The following CDYL variants were observed in gnomAD, a reference collection of about 807,000 sequenced individuals.
The protein encoded by CDYL is chromodomain Y like, also known as chromodomain Y-like protein.
A neutral mutation model predicts 47.3 loss-of-function variants in CDYL; 8 were observed. That is an observed-to-expected ratio of 0.17 (90% confidence interval 0.10 to 0.31). The LOEUF (loss-of-function observed/expected upper bound fraction) is 0.31, where lower values mean the gene tolerates loss of function less well. Among genes scored for constraint, CDYL ranks in the 10% least tolerant of loss-of-function variants. CDYL has a pLI of 1.00. For missense variants in CDYL, 471 were observed against 701.4 expected (o/e 0.67, Z 3.71); for synonymous variants, 266 against 265.0 (o/e 1.00, Z -0.04).
intron 1 of CDYL, among the ~76,000 whole-genome samples, chr6:4,834,065 C>T (rs1040947317): frequency 6.6e-5 from 10 of 150,756 alleles, no homozygotes; most frequent in Non-Finnish European, 1.5e-4. Context: ...AGCATTTAGT[C>T]CATTTACATT....
At chr6:4,733,026 C>T (rs1483334497) in intron 2 of CDYL, 1 of 152,314 alleles carries the variant, frequency 6.6e-6, no homozygotes, top group Non-Finnish European at 1.5e-5. Context: ...CAGTCAGCCT[C>T]CCACTGCCGT....
chr6:4,710,379 G>GGGAGGGAAGGAA (rs1554130869), intron 1 of CDYL, among the ~76,000 whole-genome samples: 11 of 101,254 alleles, frequency 1.1e-4, no homozygotes, highest in Non-Finnish European at 1.7e-4. Context: ...GAGGGAGGGA[G>GGGAGGGAAGGAA]GGAAGGAAGG....
chr6:4,914,587 C>T (rs551383534), intron 2 of CDYL, among the ~76,000 whole-genome samples: 8 of 152,308 alleles, frequency 5.3e-5, no homozygotes, highest in African/African-American at 1.7e-4. Context: ...CCTCAGCCAT[C>T]CTGCAAGTTC....
chr6:4,773,848 T>C (rs1263544217), upstream of CDYL, among the ~76,000 whole-genome samples: 2 of 152,220 alleles, frequency 1.3e-5, no homozygotes, highest in East Asian at 3.9e-4. This position sits in a 1 kb window ranked among gnomAD's most constrained non-coding sequence, Gnocchi z 4.6. Flanking sequence ...TTCCAGATTG[T>C]CAAGATTGAA....
chr6:4,789,368 C>T (rs1319097224), intron 1 of CDYL, among the ~76,000 whole-genome samples: 1 of 152,192 alleles, frequency 6.6e-6, no homozygotes, highest in Non-Finnish European at 1.5e-5. Flanking sequence ...CCTGCCGCGC[C>T]TGGCTGCTCC....
chr6:4,894,519 G>A (rs1178787645), intron 2 of CDYL, among the ~76,000 whole-genome samples: 2 of 152,184 alleles, frequency 1.3e-5, no homozygotes, highest in Non-Finnish European at 2.9e-5. Context: ...AGATTTCTGT[G>A]TTCACACATA....
At chr6:4,831,218 C>T (rs1209604183) in intron 1 of CDYL, among the ~76,000 whole-genome samples, 2 of 152,116 alleles carry the variant, frequency 1.3e-5, no homozygotes, top group African/African-American at 4.8e-5. Flanking sequence ...TTAGGTCTAA[C>T]ATTTAAGTCT....
At chr6:4,708,897 T>C (rs555367047) in intron 1 of CDYL, among the ~76,000 whole-genome samples, 11 of 152,038 alleles carry the variant, frequency 7.2e-5, no homozygotes, top group African/African-American at 2.7e-4. Flanking sequence ...TCTCAGCTGC[T>C]TGGGAGGCTG....
At chr6:4,912,374 G>A (rs560114432) in intron 2 of CDYL, among the ~76,000 whole-genome samples, 1 of 152,172 alleles carries the variant, frequency 6.6e-6, no homozygotes, top group African/African-American at 2.4e-5. Flanking sequence ...TCATCTGCAC[G>A]TGGCCTGGAG....
intron 2 of CDYL, chr6:4,724,346 G>C (rs946994107): frequency 1.3e-5 from 2 of 152,114 alleles, no homozygotes; most frequent in Admixed American, 1.3e-4. Flanking sequence ...CCACCATGCC[G>C]AGCCTGTCCC....
At chr6:4,794,800 G>C (rs190899325) in intron 1 of CDYL, among the ~76,000 whole-genome samples, 1 of 152,080 alleles carries the variant, frequency 6.6e-6, no homozygotes, top group Non-Finnish European at 1.5e-5. Flanking sequence ...TGTTGGTCTC[G>C]TTGATGGAAA....
intron 5 of CDYL, among the ~76,000 whole-genome samples, chr6:4,951,988 A>G (rs1758718283): frequency 6.6e-6 from 1 of 152,106 alleles, no homozygotes; most frequent in African/African-American, 2.4e-5. Context: ...AGATTTCTTT[A>G]TTGAGTCCCT....
At chr6:4,899,744 T>C (rs1289340893) in intron 2 of CDYL, among the ~76,000 whole-genome samples, 1 of 152,246 alleles carries the variant, frequency 6.6e-6, no homozygotes, top group Admixed American at 6.5e-5. Flanking sequence ...TATTCAAAAG[T>C]GGCATATTTT....
intron 2 of CDYL, among the ~76,000 whole-genome samples, chr6:4,918,218 G>A (rs1757610130): frequency 7.1e-6 from 1 of 140,092 alleles, no homozygotes; most frequent in African/African-American, 2.7e-5. Flanking sequence ...TTTTGAAGAT[G>A]TGATCAATAA....
At chr6:4,939,370 CA>C (rs1192384530) in intron 4 of CDYL, among the ~76,000 whole-genome samples, 5 of 152,098 alleles carry the variant, frequency 3.3e-5, no homozygotes, top group African/African-American at 9.7e-5. Context: ...TGATGGGCAC[CA>C]AACAGCCCAT....
At chr6:4,900,799 A>ATC (rs1757016091) in intron 2 of CDYL, among the ~76,000 whole-genome samples, 2 of 71,622 alleles carry the variant, frequency 2.8e-5, no homozygotes, top group African/African-American at 6.7e-5. Context: ...ATATATATAT[A>ATC]TATATATATA....
chr6:4,879,235 A>C (rs892988724), intron 1 of CDYL, among the ~76,000 whole-genome samples: 2 of 152,172 alleles, frequency 1.3e-5, no homozygotes, highest in Non-Finnish European at 2.9e-5. Context: ...GTCTTTAGTG[A>C]ATTATATATC....
intron 3 of CDYL, among the ~76,000 whole-genome samples, chr6:4,747,370 T>C (rs760563790): frequency 3.3e-4 from 50 of 151,808 alleles, no homozygotes; most frequent in Non-Finnish European, 6.2e-4. Flanking sequence ...TGAATTTTAA[T>C]CAAAGAGAAT....
At chr6:4,871,218 G>T (rs1296308107) in intron 1 of CDYL, among the ~76,000 whole-genome samples, 1 of 152,060 alleles carries the variant, frequency 6.6e-6, no homozygotes. Flanking sequence ...ACTTTCTAGG[G>T]GTCACTGTTT....
Sources: allele counts gnomAD v4.1 joint callset (sites outside exome capture counted in the v4.1 genomes callset), GRCh38; gene constraint gnomAD v4.1.1; non-coding constraint Gnocchi (gnomAD v3.1); transcripts MANE v1.5; gene names NCBI Gene and HGNC (gene_info 2026-07-23, HGNC 2026-07-21).